The following CADM2 variants were observed in gnomAD, a reference collection of about 807,000 sequenced individuals.
CADM2 encodes immunoglobulin superfamily member 4D.
Under a neutral mutation model 49.8 loss-of-function variants are expected in CADM2, and 12 were observed. That is an observed-to-expected ratio of 0.24 (90% CI 0.15 to 0.39). The LOEUF (loss-of-function observed/expected upper bound fraction) is 0.39, where lower values mean the gene tolerates loss of function less well. Ranked by LOEUF, CADM2 falls within the 10% of genes least tolerant of loss-of-function variation. The pLI is 1.00. For missense variants in CADM2, 378 were observed against 492.3 expected, an observed-to-expected ratio of 0.77 and a Z score of 2.20; for synonymous variants, 214 against 175.4, an observed-to-expected ratio of 1.22 and a Z score of -1.74.
At chr3:86,004,377 G>A (rs1004169478) in intron 8 of CADM2, among the ~76,000 whole-genome samples, 15 of 152,092 alleles carry the variant, frequency 9.9e-5, no homozygotes, top group African/African-American at 3.6e-4. Flanking sequence ...GCTCATGTCA[G>A]GTTCAACACA....
intron 1 of CADM2, among the ~76,000 whole-genome samples, chr3:85,603,443 T>C (rs1182444334): frequency 6.6e-6 from 1 of 151,942 alleles, no homozygotes; most frequent in Non-Finnish European, 1.5e-5. Context: ...CATTTGTTTT[T>C]CCTCAATTTC....
At chr3:85,858,169 A>G (rs1349404909) in intron 3 of CADM2, among the ~76,000 whole-genome samples, 1 of 152,250 alleles carries the variant, frequency 6.6e-6, no homozygotes, top group Non-Finnish European at 1.5e-5. Context: ...CTTTTACTAA[A>G]AGTGAAATAT....
At chr3:85,390,838 C>T (rs1430498330) in intron 1 of CADM2, among the ~76,000 whole-genome samples, 1 of 152,056 alleles carries the variant, frequency 6.6e-6, no homozygotes, top group African/African-American at 2.4e-5. Flanking sequence ...CAGTCTCCTC[C>T]ATTTACAGCC....
At chr3:85,291,617 G>C (rs982297885) in intron 1 of CADM2, among the ~76,000 whole-genome samples, 11 of 147,170 alleles carry the variant, frequency 7.5e-5, no homozygotes, top group Non-Finnish European at 1.6e-4. Context: ...AGCCAGAAGA[G>C]AGTGGGGGCC....
chr3:85,457,678 A>G (rs2038056193), intron 1 of CADM2, among the ~76,000 whole-genome samples: 1 of 152,172 alleles, frequency 6.6e-6, no homozygotes, highest in Non-Finnish European at 1.5e-5. Flanking sequence ...ATTGAGGATT[A>G]AGTTATAAAT....
intron 1 of CADM2, among the ~76,000 whole-genome samples, chr3:85,638,124 C>T (rs1238033518): frequency 6.6e-6 from 1 of 152,092 alleles, no homozygotes; most frequent in East Asian, 1.9e-4. Flanking sequence ...ATTATTATCT[C>T]TTAATTGAAT....
chr3:85,502,667 A>G (rs936554393), intron 1 of CADM2, among the ~76,000 whole-genome samples: 3 of 152,150 alleles, frequency 2.0e-5, no homozygotes, highest in Non-Finnish European at 2.9e-5. Flanking sequence ...AAACTCTGAC[A>G]GATTATGATG....
intron 1 of CADM2, among the ~76,000 whole-genome samples, chr3:85,668,295 CAAAAA>C (rs11447925): frequency 2.4e-5 from 2 of 81,748 alleles, no homozygotes; most frequent in Non-Finnish European, 5.0e-5. Context: ...AGTACCAAAG[CAAAAA>C]AAAAAAAAAA....
intron 1 of CADM2, among the ~76,000 whole-genome samples, chr3:84,973,217 A>G (rs895886422): frequency 6.6e-6 from 1 of 152,130 alleles, no homozygotes; most frequent in Non-Finnish European, 1.5e-5. Context: ...CCAGCCTGTA[A>G]TGCCTTTCTG....
chr3:85,343,927 A>G (rs147593338), intron 1 of CADM2, among the ~76,000 whole-genome samples: 114 of 152,356 alleles, frequency 7.5e-4, no homozygotes, highest in African/African-American at 2.4e-3. Context: ...CTGTGTGTTC[A>G]TCTCTTCTTT....
chr3:85,522,645 C>G (rs1559884772), intron 1 of CADM2, among the ~76,000 whole-genome samples: 1 of 152,150 alleles, frequency 6.6e-6, no homozygotes, highest in East Asian at 1.9e-4. Context: ...GGATCCCATT[C>G]TGTTTCTCTG....
intron 8 of CADM2, among the ~76,000 whole-genome samples, chr3:86,024,545 T>A (rs1449567011): frequency 6.6e-6 from 1 of 152,216 alleles, no homozygotes; most frequent in African/African-American, 2.4e-5. Flanking sequence ...TTGTTAGTAA[T>A]TTGGAGCAAT....
intron 8 of CADM2, among the ~76,000 whole-genome samples, chr3:86,022,995 A>C (rs1271694666): frequency 6.6e-6 from 1 of 152,124 alleles, no homozygotes. Context: ...CAAAAAATAA[A>C]ATATATAGCA....
At chr3:85,349,614 A>G (rs1056848581) in intron 1 of CADM2, among the ~76,000 whole-genome samples, 2 of 152,190 alleles carry the variant, frequency 1.3e-5, no homozygotes, top group Non-Finnish European at 2.9e-5. Flanking sequence ...TTTTACTAAC[A>G]GAAGTTAATT....
chr3:85,995,679 A>G (rs1435593858), intron 8 of CADM2, among the ~76,000 whole-genome samples: 4 of 152,238 alleles, frequency 2.6e-5, no homozygotes, highest in African/African-American at 9.6e-5. Flanking sequence ...CTTTCTTCCA[A>G]AATGATTAGT....
At chr3:85,209,665 T>TAA (rs1029762081) in intron 1 of CADM2, among the ~76,000 whole-genome samples, 1 of 148,788 alleles carries the variant, frequency 6.7e-6, no homozygotes. Flanking sequence ...TCAGGCATCT[T>TAA]AAAAAAAAAA....
rs1724316800 is a variant in CADM2 at position 85,958,322 on chromosome 3, A to T, written c.792-3147A>T. ...ATAGATGCTGGCAAGGCTGTGGAGA[A>T]ATAGGAACGCTTTTATACTGTTGGT... On this transcript the variant is annotated intron_variant, in intron 7 of 9. Coordinates refer to ENST00000383699, the MANE Select transcript of CADM2 (RefSeq NM_001167675.2). 2.6e-5 allele frequency among the ~76,000 whole-genome samples: 4 copies of T among 152,042 alleles called. No individual in the cohort carries two copies. In the South Asian group the frequency reaches 8.3e-4, roughly 31 times the overall value.
chr3:85,912,253 A>C (rs1254493068), intron 5 of CADM2, 120 bp from the exon 6 acceptor site: 3 of 670,938 alleles, frequency 4.5e-6, no homozygotes, highest in Non-Finnish European at 7.4e-6. Flanking sequence ...TTAAAATCAC[A>C]AATATTTGCT....
chr3:85,815,232 CTAACT>C (rs1479991750), intron 3 of CADM2, among the ~76,000 whole-genome samples: 2 of 152,128 alleles, frequency 1.3e-5, no homozygotes, highest in African/African-American at 2.4e-5. Context: ...GGAATCCTCC[CTAACT>C]CCTTTTATGA....
Sources: allele counts gnomAD v4.1 joint callset (sites outside exome capture counted in the v4.1 genomes callset), GRCh38; gene constraint gnomAD v4.1.1; transcripts MANE v1.5; gene names NCBI Gene and HGNC (gene_info 2026-07-23, HGNC 2026-07-21).